The following PDE10A variants were observed in gnomAD, a reference collection of about 807,000 sequenced individuals.
PDE10A encodes phosphodiesterase 10A, also known as cAMP and cAMP-inhibited cGMP 3',5'-cyclic phosphodiesterase 10A.
In PDE10A, 39 loss-of-function variants were observed where a neutral mutation model predicts 97.7. The ratio of observed to expected loss-of-function variants is 0.40; its 90% CI spans 0.31 to 0.52. PDE10A has a LOEUF of 0.52. PDE10A is among the 20% of genes least tolerant of loss of function. PDE10A has a pLI of 0.56. For missense variants in PDE10A, 731 were observed against 1,047.8 expected (o/e 0.70, Z 4.17); for synonymous variants, 371 against 376.8 (o/e 0.98, Z 0.18).
Position 165,395,261 on chromosome 6 carries a change from G to T in PDE10A, c.2223C>A (p.Phe741Leu), listed in dbSNP as rs773851683. Residue 741 changes from phenylalanine to leucine, a missense_variant, in exon 15 of 22, where the codon TTC (phenylalanine) becomes TTA (leucine). Phe to Leu is a conservative substitution (Grantham distance 22). Around this residue, in one of 8 missense-constraint regions of PDE10A, gnomAD observed 131 missense variants for 187.4 expected, o/e 0.70. Transcript: ENST00000539869. Reference sequence around the variant, plus strand: ...TTTCAAAAGGACCAATGTCAAAGTGGAATCTGAAATTTTAAAAGGGCAGTT... The same window carrying T: ...TTTCAAAAGGACCAATGTCAAAGTGTAATCTGAAATTTTAAAAGGGCAGTT... The part of the protein sequence containing the change: ...PVRLCKEIEL[F>L]HFDIGPFENM... 6.2e-7 allele frequency: 1 copy of T among 1,611,282 alleles called. No homozygotes were observed. The highest frequency in any genetic ancestry group is 1.1e-5 in the South Asian group (1 of 90,998).
chr6:165,916,131 A>G (rs1782598207), intron 1 of PDE10A, among the ~76,000 whole-genome samples: 1 of 152,240 alleles, frequency 6.6e-6, no homozygotes, highest in Non-Finnish European at 1.5e-5. Context: ...AGAGTGTGTA[A>G]TGATTCCATT....
At chr6:165,423,482 CTG>C (rs1788871481) in intron 10 of PDE10A, among the ~76,000 whole-genome samples, 1 of 152,194 alleles carries the variant, frequency 6.6e-6, no homozygotes, top group East Asian at 1.9e-4. Context: ...CAGGATAACA[CTG>C]TGCCAGAGGG....
rs554805842 is a variant in PDE10A, at chr6:165,474,677, GA to G, written c.1023+7637del. Among the ~76,000 whole-genome samples, 48 of 150,812 alleles carry G rather than the reference GA, an allele frequency of 3.2e-4. No homozygotes were observed. The South Asian group carries it at 9.2e-3, about 29-fold the overall frequency. Reference sequence around the variant, plus strand: ...GTCCTAAAATAAAAGTCAGAAACAAGAAAAAAAAATCCATTTTACGCAACTT... The same window carrying G: ...GTCCTAAAATAAAAGTCAGAAACAAGAAAAAAAATCCATTTTACGCAACTT... On this transcript the variant is annotated intron_variant, in intron 3 of 21. Coordinates refer to ENST00000539869, the MANE Select transcript of PDE10A (RefSeq NM_001385079.1).
intron 1 of PDE10A, among the ~76,000 whole-genome samples, chr6:165,701,732 CATGT>C (rs1400994695): frequency 4.7e-5 from 7 of 149,298 alleles, no homozygotes; most frequent in African/African-American, 1.7e-4. Flanking sequence ...CGCGTGTGTG[CATGT>C]GTGTGTGCAT....
Position 165,360,389 on chromosome 6 carries a change from C to T in PDE10A, c.2784-16887G>A, listed in dbSNP as rs113768072. The stretch of plus-strand genomic sequence containing the variant: ...CAGTGCTGCTATAAGGCTCTGCTTT[C>T]GTTCCACTGCCCTGTCCCAGAGTCA... On this transcript the variant is annotated intron_variant, in intron 18 of 21. Transcript: ENST00000539869. Among the ~76,000 whole-genome samples the T allele has an allele frequency of 1.5e-4, 23 of 152,320 alleles. 1 individual carries two copies. Among genetic ancestry groups the T allele is most frequent in the African/African-American group, 4.6e-4 (19 of 41,578 alleles).
chr6:165,517,952 A>G (rs1178465854), intron 2 of PDE10A, among the ~76,000 whole-genome samples: 1 of 152,188 alleles, frequency 6.6e-6, no homozygotes, highest in Non-Finnish European at 1.5e-5. Flanking sequence ...ATTCCTATGA[A>G]GTTGGTTTTA....
intron 1 of PDE10A, among the ~76,000 whole-genome samples, chr6:165,593,137 A>G (rs1480411448): frequency 6.6e-6 from 1 of 152,230 alleles, no homozygotes; most frequent in Non-Finnish European, 1.5e-5. Flanking sequence ...GGGTGAGTTC[A>G]TGTCCTTGGC....
At chr6:165,429,114 A>C (rs73245658) in intron 9 of PDE10A, among the ~76,000 whole-genome samples, 5,856 of 152,198 alleles carry the variant, frequency 0.038, 361 homozygotes, top group African/African-American at 0.13. Flanking sequence ...GTTAAATATA[A>C]ATTATCACTG....
intron 1 of PDE10A, among the ~76,000 whole-genome samples, chr6:165,800,665 T>A (rs1239057421): frequency 6.6e-6 from 1 of 152,152 alleles, no homozygotes; most frequent in Non-Finnish European, 1.5e-5. Context: ...GTGTCTAGCA[T>A]AACATAATTC....
At position 165,373,417 on chromosome 6, in the gene PDE10A, A is replaced by G. The variant is rs563004640; in HGVS notation, c.2783+5777T>C. ...CAAACAACCCCATCAAAAAGTGGGC[A>G]AAGGATATGAACGGACACTTCTCAA... On this transcript the variant is annotated intron_variant, in intron 18 of 21. Transcript: ENST00000539869. Among the ~76,000 whole-genome samples, 133 of 152,348 alleles carry G rather than the reference A, an allele frequency of 8.7e-4. No individual in the cohort carries two copies. In the South Asian group the frequency reaches 8.9e-3, roughly 10 times the overall value.
intron 1 of PDE10A, among the ~76,000 whole-genome samples, chr6:165,853,740 A>C (rs1418899083): frequency 6.6e-6 from 1 of 152,254 alleles, no homozygotes; most frequent in Non-Finnish European, 1.5e-5. Flanking sequence ...GCAGAAAAAA[A>C]CAATGAATGT....
intron 5 of PDE10A, among the ~76,000 whole-genome samples, chr6:165,435,885 T>C (rs984424525): frequency 6.6e-6 from 1 of 152,190 alleles, no homozygotes; most frequent in East Asian, 1.9e-4. Flanking sequence ...GTTTATAAAA[T>C]TGCAGATTCA....
At chr6:165,964,288 C>A (rs559279593) in intron 1 of PDE10A, among the ~76,000 whole-genome samples, 1 of 152,168 alleles carries the variant, frequency 6.6e-6, no homozygotes, top group Non-Finnish European at 1.5e-5. Context: ...GACTTAGACT[C>A]GGTCAGCCGC....
At chr6:165,920,170 C>T (rs1307260480) in intron 1 of PDE10A, among the ~76,000 whole-genome samples, 1 of 152,134 alleles carries the variant, frequency 6.6e-6, no homozygotes, top group Non-Finnish European at 1.5e-5. Context: ...TGAGTATTTA[C>T]GTTAGAACTG....
intron 20 of PDE10A, among the ~76,000 whole-genome samples, chr6:165,338,306 C>G (rs74611930): frequency 0.011 from 1,717 of 152,276 alleles, 28 homozygotes; most frequent in African/African-American, 0.04. Flanking sequence ...TTATCAAAAA[C>G]CACCATCCTG....
intron 21 of PDE10A, among the ~76,000 whole-genome samples, chr6:165,334,480 C>T (rs1300766022): frequency 2.0e-5 from 3 of 152,298 alleles, no homozygotes; most frequent in Non-Finnish European, 4.4e-5. Context: ...CCTACAGCAC[C>T]GGGCATGCAC....
chr6:165,559,511 T>C (rs979382181), intron 1 of PDE10A, among the ~76,000 whole-genome samples: 1 of 152,216 alleles, frequency 6.6e-6, no homozygotes, highest in African/African-American at 2.4e-5. Context: ...CTAGAACAAT[T>C]TGAAACATGA....
At chr6:165,578,790 C>T (rs1785457511) in intron 1 of PDE10A, among the ~76,000 whole-genome samples, 1 of 152,170 alleles carries the variant, frequency 6.6e-6, no homozygotes, top group Admixed American at 6.5e-5. Context: ...ATCTATTGCG[C>T]CTCTGCTAAG....
chr6:165,890,706 G>T (rs1403662525), intron 1 of PDE10A, among the ~76,000 whole-genome samples: 2 of 152,168 alleles, frequency 1.3e-5, no homozygotes, highest in Non-Finnish European at 2.9e-5. Flanking sequence ...GACAGAACAG[G>T]CTCCCGGTGA....
Sources: gnomAD v4.1 joint callset for allele counts (sites outside exome capture counted in the v4.1 genomes callset) on GRCh38, gnomAD v4.1.1 for gene constraint, gnomAD v4.1.1 regional missense constraint, MANE v1.5 for transcripts, NCBI Gene and HGNC (gene_info 2026-07-23, HGNC 2026-07-21) for gene names.